The following GADD45A variants were observed in gnomAD, a reference collection of about 807,000 sequenced individuals.
The protein encoded by GADD45A is growth arrest and DNA damage inducible alpha.
A neutral mutation model predicts 17.7 loss-of-function variants in GADD45A; 9 were observed. That is an observed-to-expected ratio of 0.51 (90% confidence interval 0.31 to 0.89). The LOEUF is 0.89. Ranked by LOEUF, GADD45A falls within the 40% of genes least tolerant of loss-of-function variation. The pLI is 0.05. For missense variants in GADD45A, 149 were observed against 220.6 expected (o/e 0.68, Z 2.06); for synonymous variants, 95 against 92.2 (o/e 1.03, Z -0.17).
Position 67,685,273 on chromosome 1 carries a change from G to A in GADD45A, c.-222G>A, listed in dbSNP as rs1260147645. On this transcript the variant is annotated 5_prime_UTR_variant, in exon 1 of 4. Coordinates refer to ENST00000370986, the MANE Select transcript of GADD45A (RefSeq NM_001924.4). ...TGCGGCCCGTGGCGAGGCGAGGTCC[G>A]GGGAGCGAGCGAGCAAGCAAGGCGG... The A allele has an allele frequency of 6.0e-5, 31 of 513,384 alleles. No individual in the cohort carries two copies. Among genetic ancestry groups the A allele is most frequent in the East Asian group, 3.5e-5 (1 of 28,172 alleles). The allele number at this position is 513,384 out of a possible 1,614,324, so 31.8% of individuals were successfully genotyped here. A position where few individuals can be genotyped will look rare whatever the true frequency, so the allele number is the denominator to read the frequency against.
chr1:67,687,389 A>G (rs1646143024), intron 3 of GADD45A, among the ~76,000 whole-genome samples: 1 of 152,222 alleles, frequency 6.6e-6, no homozygotes, highest in Non-Finnish European at 1.5e-5. Flanking sequence ...ACTCTCATGC[A>G]AAACTGAACA....
intron 1 of GADD45A, 177 bp downstream of exon 1, chr1:67,685,715 C>T (rs1015478772): frequency 2.7e-5 from 18 of 666,666 alleles, no homozygotes; most frequent in East Asian, 2.3e-4. Context: ...AAAGAGCGTG[C>T]CCCCCAACCC....
At chr1:67,685,597 G>T (rs1646127526) in intron 1 of GADD45A, 59 bp downstream of exon 1, 1 of 1,531,138 alleles carries the variant, frequency 6.5e-7, no homozygotes, top group African/African-American at 1.4e-5. Context: ...CGCGCTCCCC[G>T]GTGCAGCCGG....
Position 67,686,602 on chromosome 1 carries a change from G to A in GADD45A, c.384+15G>A, listed in dbSNP as rs1315889779. On this transcript the variant is annotated intron_variant, in intron 3 of 3. Coordinates refer to ENST00000370986, the MANE Select transcript of GADD45A (RefSeq NM_001924.4). ...TGCTGGTGACGGTAAGGGACTGGGG[G>A]ACTGCAGCCTGCAGGGTAGAGCCCC... 3 of 1,602,100 alleles carry A rather than the reference G, an allele frequency of 1.9e-6. No homozygotes were observed. Among genetic ancestry groups the A allele is most frequent in the Non-Finnish European group, 2.6e-6 (3 of 1,172,698 alleles).
At chr1:67,685,945 C>T in intron 1 of GADD45A, 80 bp from the exon 2 acceptor site, 1 of 862,456 alleles carries the variant, frequency 1.2e-6, no homozygotes. Flanking sequence ...GAGGGAGGGG[C>T]GTGGTACCGG....
rs3783461 is a variant in GADD45A at position 67,685,294 on chromosome 1, G to A, written c.-201G>A. ...GTCCGGGGAGCGAGCGAGCAAGCAA[G>A]GCGGGAGGGGTGGCCGGAGCTGCGG... On this transcript the variant is annotated 5_prime_UTR_variant, in exon 1 of 4. Transcript: ENST00000370986. 1.3e-5 allele frequency: 7 copies of A among 531,520 alleles called. No homozygotes were observed. Among genetic ancestry groups the A allele is most frequent in the East Asian group, 6.9e-5 (2 of 28,824 alleles). The allele number at this position is 531,520 out of a possible 1,614,324, so 32.9% of individuals were successfully genotyped here. A position where few individuals can be genotyped will look rare whatever the true frequency, so the allele number is the denominator to read the frequency against.
rs1296069896 is a variant in GADD45A at position 67,688,280 on chromosome 1, T to C, written c.*506T>C. The C allele has an allele frequency of 6.5e-6, 1 of 153,382 alleles. No homozygotes were observed. The highest frequency in any genetic ancestry group is 1.5e-5 in the Non-Finnish European group (1 of 68,500). The allele number at this position is 153,382 out of a possible 1,614,324, so 9.5% of individuals were successfully genotyped here. A position where few individuals can be genotyped will look rare whatever the true frequency, so the allele number is the denominator to read the frequency against. ...TTATGACATGAAAAGTTATTTATGC[T>C]ATAAATTTTTTGAAACACAATACCT... On this transcript the variant is annotated 3_prime_UTR_variant, in exon 4 of 4. Coordinates refer to ENST00000370986, the MANE Select transcript of GADD45A (RefSeq NM_001924.4).
At chr1:67,687,368 C>T (rs1646142833) in intron 3 of GADD45A, among the ~76,000 whole-genome samples, 1 of 152,130 alleles carries the variant, frequency 6.6e-6, no homozygotes, top group African/African-American at 2.4e-5. Flanking sequence ...TAGAGCAAAC[C>T]GGTGAATGAT....
intron 3 of GADD45A, 78 bp downstream of exon 3, chr1:67,686,665 G>T: frequency 1.5e-6 from 2 of 1,316,120 alleles, no homozygotes; most frequent in Non-Finnish European, 2.1e-6. Context: ...CCTGATTGTG[G>T]ATCTGTGGTA....
Position 67,688,004 on chromosome 1 carries a change from A to C in GADD45A, c.*230A>C. 1 of 433,008 alleles carries C rather than the reference A, an allele frequency of 2.3e-6. No homozygotes were observed. The highest frequency in any genetic ancestry group is 4.1e-6 in the Non-Finnish European group (1 of 242,504). 26.8% of individuals were successfully genotyped at this position (433,008 alleles called of 1,614,324 possible). Reference sequence around the variant, plus strand: ...GTGTTGAAACAGAAAAATAAGTCAAAAGGAACAAAAATTACAAAGAACCAT... The same window carrying C: ...GTGTTGAAACAGAAAAATAAGTCAACAGGAACAAAAATTACAAAGAACCAT... On this transcript the variant is annotated 3_prime_UTR_variant, in exon 4 of 4. Transcript: ENST00000370986.
chr1:67,686,237 G>T (rs1444919942), intron 2 of GADD45A, 111 bp downstream of exon 2: 11 of 1,373,254 alleles, frequency 8.0e-6, no homozygotes, highest in Non-Finnish European at 1.0e-5. Flanking sequence ...TCGCTTTTCT[G>T]CCTGTCTCGG....
chr1:67,686,148 C>T (rs771820345), intron 2 of GADD45A, 22 bp downstream of exon 2: 1 of 1,578,070 alleles, frequency 6.3e-7, no homozygotes, highest in Non-Finnish European at 8.7e-7. Context: ...CCTTGCGCGT[C>T]CCCCATGGCA....
intron 2 of GADD45A, 62 bp from the exon 3 acceptor site, chr1:67,686,288 C>A (rs1252086000): frequency 1.3e-6 from 2 of 1,497,528 alleles, no homozygotes; most frequent in African/African-American, 2.8e-5. Context: ...CCCCCAGGGA[C>A]CCGGGCAGTG....
At chr1:67,686,819 C>G (rs188026456) in intron 3 of GADD45A, among the ~76,000 whole-genome samples, 3 of 152,206 alleles carry the variant, frequency 2.0e-5, no homozygotes, top group African/African-American at 7.2e-5. Context: ...CGGAAGAGAT[C>G]CCTGTGAGTC....
chr1:67,686,437 C>T lies in GADD45A; in HGVS notation c.234C>T (p.Ile78=), dbSNP rs1646134381. The T allele has an allele frequency of 1.9e-6, 3 of 1,613,772 alleles. No homozygotes were observed. The highest frequency in any genetic ancestry group is 3.3e-5 in the Admixed American group (2 of 60,010). The part of the protein sequence containing the change: ...DVALQIHFTL[I]QAFCCENDIN... ...CTCTGCAGATCCACTTCACCCTGATCCAGGCGTTTTGCTGCGAGAACGACA... is the reference window on the plus strand; with the variant it reads ...CTCTGCAGATCCACTTCACCCTGATTCAGGCGTTTTGCTGCGAGAACGACA... The change falls in exon 3 of 4, where the codon ATC becomes ATT. Residue 78 remains isoleucine (I), a synonymous_variant. Coordinates refer to ENST00000370986, the MANE Select transcript of GADD45A (RefSeq NM_001924.4).
intron 3 of GADD45A, among the ~76,000 whole-genome samples, chr1:67,687,051 T>C (rs536544976): frequency 4.1e-4 from 63 of 152,050 alleles, no homozygotes; most frequent in African/African-American, 1.4e-3. Context: ...GAATTTTTTT[T>C]CTCTGCAATC....
rs1646147829 is a variant in GADD45A, at chr1:67,688,027, C to T, written c.*253C>T. The T allele has an allele frequency of 5.1e-6, 2 of 394,486 alleles. No homozygotes were observed. The highest frequency in any genetic ancestry group is 9.1e-6 in the Non-Finnish European group (2 of 219,152). 24.4% of individuals were successfully genotyped at this position (394,486 alleles called of 1,614,324 possible). On this transcript the variant is annotated 3_prime_UTR_variant, in exon 4 of 4. Transcript: ENST00000370986. ...AAAAGGAACAAAAATTACAAAGAAC[C>T]ATGCAGGAAGGAAAACTATGTATTA...
intron 1 of GADD45A, 186 bp downstream of exon 1, chr1:67,685,724 C>G (rs961244210): frequency 6.2e-6 from 4 of 648,026 alleles, no homozygotes; most frequent in African/African-American, 3.7e-5. Context: ...GCCCCCCAAC[C>G]CGAACGAGCC....
rs2100648189 is a variant in GADD45A, at chr1:67,687,948, A to C, written c.*174A>C. On this transcript the variant is annotated 3_prime_UTR_variant, in exon 4 of 4. Coordinates refer to ENST00000370986, the MANE Select transcript of GADD45A (RefSeq NM_001924.4). The stretch of plus-strand genomic sequence containing the variant: ...GGCCCGGAGATAGATGACTTTGCAG[A>C]TGGAAAGAGGTGAAAATGAAGAAGG... The C allele has an allele frequency of 4.0e-6, 2 of 495,536 alleles. No individual in the cohort carries two copies. Among genetic ancestry groups the C allele is most frequent in the Non-Finnish European group, 7.2e-6 (2 of 278,070 alleles). The allele number at this position is 495,536 out of a possible 1,614,324, so 30.7% of individuals were successfully genotyped here. A position where few individuals can be genotyped will look rare whatever the true frequency, so the allele number is the denominator to read the frequency against.
Sources: allele counts gnomAD v4.1 joint callset (sites outside exome capture counted in the v4.1 genomes callset), GRCh38; gene constraint gnomAD v4.1.1; transcripts MANE v1.5; gene names NCBI Gene and HGNC (gene_info 2026-07-23, HGNC 2026-07-21).